LARGE1: variants seen among roughly 807,000 people sequenced by gnomAD.
The protein encoded by LARGE1 is xylosyl- and glucuronyltransferase LARGE1.
Under a neutral mutation model 87.6 loss-of-function variants are expected in LARGE1, and 43 were observed. The ratio of observed to expected loss-of-function variants is 0.49; its 90% CI spans 0.38 to 0.63. The LOEUF (loss-of-function observed/expected upper bound fraction) is 0.63. LARGE1 is among the 30% of genes least tolerant of loss of function. LARGE1 has a pLI of 0.00. For synonymous variants in LARGE1, 434 were observed against 394.6 expected, an observed-to-expected ratio of 1.10 and a Z score of -1.18; for missense variants, 802 against 1,000.2, an observed-to-expected ratio of 0.80 and a Z score of 2.67.
At chr22:33,505,947 A>G (rs1444234102) in intron 6 of LARGE1, among the ~76,000 whole-genome samples, 1 of 152,200 alleles carries the variant, frequency 6.6e-6, no homozygotes, top group Non-Finnish European at 1.5e-5. Flanking sequence ...TGGACAAATT[A>G]TCATGCCAAT....
chr22:33,273,593 T>C lies in LARGE1; in HGVS notation c.*834A>G, dbSNP rs1321519469. 2.5e-6 allele frequency: 1 copy of C among 398,780 alleles called. No individual in the cohort carries two copies. Among genetic ancestry groups the C allele is most frequent in the Non-Finnish European group, 4.4e-6 (1 of 226,236 alleles). The allele number at this position is 398,780 out of a possible 1,614,324, so 24.7% of individuals were successfully genotyped here. On this transcript the variant is annotated 3_prime_UTR_variant, in exon 15 of 15. Coordinates refer to ENST00000397394, the MANE Select transcript of LARGE1 (RefSeq NM_133642.5). ...AGTCCCCATCGCTATAGCCCCTGGATTCTGGAGAGTAGGGAGTTCAAAGTC... is the reference window on the plus strand; with the variant it reads ...AGTCCCCATCGCTATAGCCCCTGGACTCTGGAGAGTAGGGAGTTCAAAGTC...
chr22:33,186,897 T>C (rs79858710), intron 11 of LARGE1, among the ~76,000 whole-genome samples: 13,010 of 152,192 alleles, frequency 0.085, 752 homozygotes, highest in Middle Eastern at 0.2. Flanking sequence ...TTTAGATATA[T>C]AAATTTATGT....
intron 4 of LARGE1, among the ~76,000 whole-genome samples, chr22:33,619,193 T>C (rs2079667134): frequency 2.0e-5 from 3 of 152,118 alleles, no homozygotes; most frequent in Admixed American, 2.0e-4. Flanking sequence ...CAAAAAATCC[T>C]GCATCAAAAT....
intron 2 of LARGE1, among the ~76,000 whole-genome samples, chr22:33,751,617 T>G (rs2084319250): frequency 1.3e-5 from 2 of 152,320 alleles, no homozygotes; most frequent in South Asian, 4.1e-4. Flanking sequence ...TCTGAATTGG[T>G]AAGAGCCTAC....
At chr22:33,804,040 T>C (rs2086240215) in intron 1 of LARGE1, among the ~76,000 whole-genome samples, 1 of 152,172 alleles carries the variant, frequency 6.6e-6, no homozygotes, top group Non-Finnish European at 1.5e-5. Flanking sequence ...CTGTACTCTC[T>C]TGTTTATACA....
Position 33,650,517 on chromosome 22 carries a change from G to T in LARGE1, c.258C>A (p.Ala86=). ...NRALRRQLSL[A]QGRAPSHRRG... Reference sequence around the variant, plus strand: ...GGCGATGGGATGGGGCTCGGCCCTGGGCCAGGCTGAGCTGCCTGCGGAGGG... The same window carrying T: ...GGCGATGGGATGGGGCTCGGCCCTGTGCCAGGCTGAGCTGCCTGCGGAGGG... The change falls in exon 3 of 15, where the codon GCC becomes GCA. Residue 86 remains alanine (A), a synonymous_variant. Coordinates refer to ENST00000397394, the MANE Select transcript of LARGE1 (RefSeq NM_133642.5). The T allele has an allele frequency of 1.2e-6, 2 of 1,612,818 alleles. No individual in the cohort carries two copies. Among genetic ancestry groups the T allele is most frequent in the African/African-American group, 1.3e-5 (1 of 75,060 alleles).
intron 9 of LARGE1, among the ~76,000 whole-genome samples, chr22:33,349,718 C>T (rs1940175292): frequency 6.6e-6 from 1 of 152,012 alleles, no homozygotes; most frequent in South Asian, 2.1e-4. Flanking sequence ...AAAATGGTGC[C>T]CTTTATACCA....
chr22:33,126,935 TC>T, the LARGE1 span, among the ~76,000 whole-genome samples: 1 of 152,234 alleles, frequency 6.6e-6, no homozygotes, highest in Non-Finnish European at 1.5e-5. Flanking sequence ...GCTGATTCTT[TC>T]CCCAAAGGCA....
At chr22:33,407,360 C>G (rs1278233076) in intron 7 of LARGE1, among the ~76,000 whole-genome samples, 2 of 152,186 alleles carry the variant, frequency 1.3e-5, no homozygotes, top group Non-Finnish European at 2.9e-5. Context: ...AAGGATTGAA[C>G]AAGAGTAAGA....
chr22:33,598,844 G>A (rs2079044706), intron 5 of LARGE1, among the ~76,000 whole-genome samples: 1 of 152,190 alleles, frequency 6.6e-6, no homozygotes, highest in African/African-American at 2.4e-5. Context: ...ACATGTGCAT[G>A]TGTCTTTATA....
intron 1 of LARGE1, among the ~76,000 whole-genome samples, chr22:33,798,700 C>T (rs2086064555): frequency 6.6e-6 from 1 of 152,076 alleles, no homozygotes; most frequent in Non-Finnish European, 1.5e-5. Flanking sequence ...GTCCCTGCAC[C>T]CCAAGCTCCT....
At chr22:33,441,294 G>A (rs139189141) in intron 6 of LARGE1, among the ~76,000 whole-genome samples, 2 of 151,780 alleles carry the variant, frequency 1.3e-5, no homozygotes, top group Non-Finnish European at 2.9e-5. Context: ...GGCTAGTCTC[G>A]AACTCCTGAC....
In LARGE1 at chr22:33,289,504, G is replaced by C. The variant is rs1159398562; in HGVS notation, c.1731-6156C>G. 2.6e-5 allele frequency among the ~76,000 whole-genome samples: 4 copies of C among 152,286 alleles called. No homozygotes were observed. In the East Asian group the frequency reaches 7.7e-4, roughly 29 times the overall value. On this transcript the variant is annotated intron_variant, in intron 12 of 14. Coordinates refer to ENST00000397394, the MANE Select transcript of LARGE1 (RefSeq NM_133642.5). ...AGAGCCCAAAGCAGTGCCTGACTTAGAATTAACTCATTAACAAACAAGTCC... is the reference window on the plus strand; with the variant it reads ...AGAGCCCAAAGCAGTGCCTGACTTACAATTAACTCATTAACAAACAAGTCC...
At chr22:33,801,420 G>T (rs540637102) in intron 1 of LARGE1, among the ~76,000 whole-genome samples, 1 of 152,240 alleles carries the variant, frequency 6.6e-6, no homozygotes, top group African/African-American at 2.4e-5. Flanking sequence ...GGTGTGTAAT[G>T]GTAGCTAATT....
chr22:33,760,606 G>A (rs1453803025), intron 2 of LARGE1, among the ~76,000 whole-genome samples: 2 of 152,122 alleles, frequency 1.3e-5, no homozygotes, highest in South Asian at 2.1e-4. Context: ...TCAGCACCAA[G>A]TTTAGTGCAG....
chr22:33,826,473 G>A (rs2062788102), intron 1 of LARGE1, among the ~76,000 whole-genome samples: 1 of 151,746 alleles, frequency 6.6e-6, no homozygotes, highest in Non-Finnish European at 1.5e-5. Context: ...CTCCTGAGTA[G>A]CTGGGATTAC....
chr22:33,405,518 T>C (rs892615930), intron 7 of LARGE1, among the ~76,000 whole-genome samples: 1 of 152,210 alleles, frequency 6.6e-6, no homozygotes, highest in African/African-American at 2.4e-5. Context: ...TCAACATTAC[T>C]ATGTGTAATT....
intron 7 of LARGE1, among the ~76,000 whole-genome samples, chr22:33,390,689 GTTT>G (rs200764992): frequency 0.02 from 2,626 of 131,768 alleles, 69 homozygotes; most frequent in African/African-American, 0.069. Context: ...TTTGTTGTGT[GTTT>G]TTTTTTTTTT....
rs754465657 is a variant in LARGE1, at chr22:33,590,924, C to T, written c.615+13511G>A. ...TAATATTTTAAAAAGCTGCCAAGGC[C>T]GGGCGTGGTGGCTCACACCTGTAAT... On this transcript the variant is annotated intron_variant, in intron 5 of 14. Transcript: ENST00000397394. Among the ~76,000 whole-genome samples the T allele has an allele frequency of 3.9e-5, 6 of 152,148 alleles. No homozygotes were observed. In the South Asian group the frequency reaches 8.3e-4, roughly 21 times the overall value.
Sources: allele counts gnomAD v4.1 joint callset (sites outside exome capture counted in the v4.1 genomes callset), GRCh38; gene constraint gnomAD v4.1.1; transcripts MANE v1.5; gene names NCBI Gene and HGNC (gene_info 2026-07-23, HGNC 2026-07-21).